The following ROBO2 variants were observed in gnomAD, a reference collection of about 807,000 sequenced individuals.
ROBO2 encodes the protein roundabout homolog 2.
In ROBO2, 53 loss-of-function variants were observed where a neutral mutation model predicts 160.8. That is an observed-to-expected ratio of 0.33 (90% CI 0.26 to 0.41). The LOEUF is 0.41. Ranked by LOEUF, ROBO2 falls within the 10% of genes least tolerant of loss-of-function variation. ROBO2 has a pLI of 1.00. For synonymous variants in ROBO2, 664 were observed against 611.7 expected, an observed-to-expected ratio of 1.09 and a Z score of -1.26; for missense variants, 1,577 against 1,722.4, an observed-to-expected ratio of 0.92 and a Z score of 1.49.
At chr3:77,254,138 G>A (rs1463766545) in intron 2 of ROBO2, among the ~76,000 whole-genome samples, 1 of 152,130 alleles carries the variant, frequency 6.6e-6, no homozygotes, top group East Asian at 1.9e-4. Context: ...CAGGTATGGT[G>A]GTGCACCTGT....
At chr3:76,572,367 C>G (rs368696255) in intron 2 of ROBO2, among the ~76,000 whole-genome samples, 3 of 152,052 alleles carry the variant, frequency 2.0e-5, no homozygotes, top group Non-Finnish European at 4.4e-5. Context: ...GGTTGTTTTT[C>G]TCTTCCTTTT....
At chr3:77,303,054 T>A (rs2153414486) in intron 2 of ROBO2, among the ~76,000 whole-genome samples, 1 of 152,318 alleles carries the variant, frequency 6.6e-6, no homozygotes, top group Admixed American at 6.5e-5. Context: ...AATCAATCCT[T>A]CCATAGACGG....
chr3:77,301,211 TAAA>T (rs1279969964), intron 2 of ROBO2, among the ~76,000 whole-genome samples: 2 of 152,052 alleles, frequency 1.3e-5, no homozygotes, highest in Non-Finnish European at 2.9e-5. Context: ...TTACTGATTT[TAAA>T]AAATAAAGAT....
At chr3:76,058,483 G>A (rs1017176628) in intron 2 of ROBO2, among the ~76,000 whole-genome samples, 24 of 150,590 alleles carry the variant, frequency 1.6e-4, no homozygotes, top group African/African-American at 5.8e-4. Context: ...AGCACCTAGT[G>A]TATAGTTATA....
chr3:76,625,163 T>C (rs1403758238), intron 2 of ROBO2, among the ~76,000 whole-genome samples: 2 of 152,196 alleles, frequency 1.3e-5, no homozygotes, highest in African/African-American at 2.4e-5. Flanking sequence ...TGTAAAATAC[T>C]AATTTAATAA....
chr3:77,393,431 A>G (rs906728686), intron 2 of ROBO2, among the ~76,000 whole-genome samples: 4 of 151,950 alleles, frequency 2.6e-5, no homozygotes, highest in South Asian at 4.1e-4. Flanking sequence ...ATCTCATTGT[A>G]TATGCTAAAA....
intron 2 of ROBO2, among the ~76,000 whole-genome samples, chr3:76,388,418 C>A (rs978094812): frequency 6.6e-6 from 1 of 151,982 alleles, no homozygotes. Flanking sequence ...ACTACAGGCA[C>A]CCGCCGCCAC....
intron 2 of ROBO2, among the ~76,000 whole-genome samples, chr3:77,232,577 G>A (rs541513635): frequency 3.9e-5 from 6 of 152,214 alleles, no homozygotes; most frequent in South Asian, 2.1e-4. Flanking sequence ...TTAAAAATGC[G>A]GATATTGTGA....
chr3:76,734,881 C>T (rs927069005), intron 2 of ROBO2, among the ~76,000 whole-genome samples: 2 of 152,210 alleles, frequency 1.3e-5, no homozygotes, highest in Admixed American at 6.5e-5. Context: ...ACTCCATTTT[C>T]TCTCTTCAAT....
At chr3:77,056,579 T>C (rs552236778) in intron 1 of ROBO2, among the ~76,000 whole-genome samples, 13 of 152,236 alleles carry the variant, frequency 8.5e-5, no homozygotes, top group African/African-American at 2.4e-4. Context: ...CAGGATAATA[T>C]AGAGAACTGA....
chr3:77,176,918 A>G (rs2080217949), intron 2 of ROBO2, among the ~76,000 whole-genome samples: 1 of 151,974 alleles, frequency 6.6e-6, no homozygotes, highest in African/African-American at 2.4e-5. Context: ...CTGTTTGTAG[A>G]AAAGACAATA....
chr3:77,475,638 GGT>G (rs2083910735), intron 2 of ROBO2, among the ~76,000 whole-genome samples: 1 of 152,082 alleles, frequency 6.6e-6, no homozygotes, highest in Admixed American at 6.5e-5. Flanking sequence ...ATATTGTAGG[GGT>G]GCTCATCACC....
intron 2 of ROBO2, among the ~76,000 whole-genome samples, chr3:76,122,590 C>G (rs1275709108): frequency 1.3e-5 from 2 of 151,994 alleles, no homozygotes; most frequent in Non-Finnish European, 2.9e-5. Flanking sequence ...TACTTAAAAG[C>G]ACATTGTGTT....
intron 2 of ROBO2, among the ~76,000 whole-genome samples, chr3:76,866,891 A>AT (rs1449633264): frequency 6.6e-6 from 1 of 151,998 alleles, no homozygotes; most frequent in Non-Finnish European, 1.5e-5. Flanking sequence ...GTCCCCTGGG[A>AT]TTTTCTCAAG....
chr3:77,461,097 C>T (rs532373286), intron 2 of ROBO2, among the ~76,000 whole-genome samples: 46 of 151,956 alleles, frequency 3.0e-4, no homozygotes, highest in African/African-American at 9.7e-4. Flanking sequence ...AAAAAAACAA[C>T]AACAACTGGG....
intron 2 of ROBO2, among the ~76,000 whole-genome samples, chr3:77,361,465 G>C (rs2069978155): frequency 6.6e-6 from 1 of 152,034 alleles, no homozygotes; most frequent in African/African-American, 2.4e-5. Context: ...TGTCTTAGTT[G>C]GTTCAGGTTG....
At chr3:77,171,920 C>T (rs544597644) in intron 2 of ROBO2, among the ~76,000 whole-genome samples, 2 of 152,182 alleles carry the variant, frequency 1.3e-5, no homozygotes, top group Admixed American at 6.5e-5. Flanking sequence ...ATAAAAGAGC[C>T]GTCAAGTAGC....
chr3:76,908,695 T>C (rs1268886822), intron 2 of ROBO2, among the ~76,000 whole-genome samples: 1 of 152,120 alleles, frequency 6.6e-6, no homozygotes, highest in Non-Finnish European at 1.5e-5. Flanking sequence ...ACCAGAGAAA[T>C]CACAAGTACA....
intron 2 of ROBO2, among the ~76,000 whole-genome samples, chr3:76,774,046 T>G (rs757774243): frequency 2.7e-5 from 4 of 150,896 alleles, no homozygotes; most frequent in Non-Finnish European, 6.0e-5. Context: ...TTGTTATTTC[T>G]GTGGGGCTTC....
Sources: gnomAD v4.1 joint callset for allele counts (sites outside exome capture counted in the v4.1 genomes callset) on GRCh38, gnomAD v4.1.1 for gene constraint, MANE v1.5 for transcripts, NCBI Gene and HGNC (gene_info 2026-07-23, HGNC 2026-07-21) for gene names.